The following PTPRD variants were observed in gnomAD, a reference collection of about 807,000 sequenced individuals.
PTPRD encodes the protein protein tyrosine phosphatase receptor type D.
Under a neutral mutation model 214.5 loss-of-function variants are expected in PTPRD, and 34 were observed. The observed-to-expected ratio is 0.16, with a 90% CI of 0.12 to 0.21. The LOEUF is 0.21. PTPRD is among the 10% of genes least tolerant of loss of function. The pLI is 1.00. For synonymous variants in PTPRD, 1,128 were observed against 845.7 expected, an observed-to-expected ratio of 1.33 and a Z score of -5.79; for missense variants, 2,545 against 2,398.7, an observed-to-expected ratio of 1.06 and a Z score of -1.27.
chr9:8,575,284 G>A (rs1464303150), intron 14 of PTPRD, among the ~76,000 whole-genome samples: 1 of 152,052 alleles, frequency 6.6e-6, no homozygotes, highest in East Asian at 1.9e-4. Flanking sequence ...TTCAAGCAGG[G>A]TCTGAGTGAA....
intron 2 of PTPRD, among the ~76,000 whole-genome samples, chr9:10,349,922 A>G (rs1455943126): frequency 6.6e-6 from 1 of 152,138 alleles, no homozygotes; most frequent in Non-Finnish European, 1.5e-5. Flanking sequence ...TCGTCCCCCA[A>G]AGTGCTGGGA....
chr9:9,479,223 C>CCG (rs766455116), intron 8 of PTPRD, among the ~76,000 whole-genome samples: 1 of 15,994 alleles, frequency 6.3e-5, no homozygotes, highest in African/African-American at 2.1e-4. Context: ...ACGCCCCCCC[C>CCG]CCCCCCACAC....
rs148862336 is a variant in PTPRD at position 10,014,068 on chromosome 9, C to G, written c.-472+19650G>C. 4.2e-3 allele frequency among the ~76,000 whole-genome samples: 646 copies of G among 152,124 alleles called. 4 individuals carry two copies. The highest frequency in any genetic ancestry group is 7.1e-3 in the Non-Finnish European group (480 of 67,878). The stretch of plus-strand genomic sequence containing the variant: ...TAAATCTTCACATGTCAGCCCCTAT[C>G]ATCCATTTTCAGTTGCCAACTAGAA... On this transcript the variant is annotated intron_variant, in intron 4 of 45. Transcript: ENST00000381196.
chr9:9,397,992 C>A (rs1587139045), intron 8 of PTPRD, among the ~76,000 whole-genome samples: 1 of 151,880 alleles, frequency 6.6e-6, no homozygotes, highest in East Asian at 1.9e-4. Context: ...GTTTATGATT[C>A]TTTTCCATAA....
At chr9:9,632,409 G>C (rs923441258) in intron 7 of PTPRD, among the ~76,000 whole-genome samples, 1 of 152,122 alleles carries the variant, frequency 6.6e-6, no homozygotes, top group East Asian at 1.9e-4. Flanking sequence ...GAGTTGGGGA[G>C]GAGAGAATGG....
At chr9:10,330,439 C>T (rs529846019) in intron 3 of PTPRD, among the ~76,000 whole-genome samples, 22 of 151,884 alleles carry the variant, frequency 1.4e-4, no homozygotes, top group Middle Eastern at 3.4e-3. Flanking sequence ...TAGGAATCTT[C>T]TATGTTTATT....
In PTPRD at chr9:8,416,166, T is replaced by C. The variant is rs566414644; in HGVS notation, c.4087-11506A>G. On this transcript the variant is annotated intron_variant, in intron 35 of 45. Transcript: ENST00000381196. ...AGCCTTAATATAATAGTAGATTATA[T>C]GAAAAAGTGTGAAGCTATTAAAATT... is the stretch of plus-strand genomic sequence containing the variant. Among the ~76,000 whole-genome samples the C allele has an allele frequency of 1.4e-4, 22 of 152,230 alleles. No homozygotes were observed. The South Asian group carries it at 2.5e-3, about 17-fold the overall frequency.
At chr9:10,353,019 G>A (rs1441974508) in intron 2 of PTPRD, among the ~76,000 whole-genome samples, 1 of 151,888 alleles carries the variant, frequency 6.6e-6, no homozygotes, top group Admixed American at 6.6e-5. Context: ...ATGTATGTGA[G>A]GCAAGGTATA....
chr9:8,734,761 G>A (rs1405133357), intron 11 of PTPRD, among the ~76,000 whole-genome samples: 1 of 152,196 alleles, frequency 6.6e-6, no homozygotes, highest in Non-Finnish European at 1.5e-5. Flanking sequence ...GGAAAATAAA[G>A]CAGGTACACC....
chr9:9,442,907 C>A (rs1038097150), intron 8 of PTPRD, among the ~76,000 whole-genome samples: 3 of 152,080 alleles, frequency 2.0e-5, no homozygotes, highest in Non-Finnish European at 4.4e-5. Context: ...TGCATCTGTA[C>A]ATTTTTATCC....
chr9:8,667,534 T>C (rs915586442), intron 12 of PTPRD, among the ~76,000 whole-genome samples: 13 of 152,146 alleles, frequency 8.5e-5, no homozygotes, highest in Non-Finnish European at 2.9e-5. Flanking sequence ...CACATCTAAG[T>C]ACTTAACAGA....
chr9:8,636,909 C>T lies in PTPRD; in HGVS notation c.65-65G>A, dbSNP rs559829796. 526 of 1,519,610 alleles carry T rather than the reference C, an allele frequency of 3.5e-4. 4 individuals are homozygous for T. In the African/African-American group the frequency reaches 5.7e-3, roughly 17 times the overall value. 94.1% of individuals were successfully genotyped at this position (1,519,610 alleles called of 1,614,324 possible). ...GAAATACAGACTATTATCCTACTAC[C>T]GCTGCTCTCCCCACCATCCTCAACC... On this transcript the variant is annotated intron_variant, in intron 12 of 45. Coordinates refer to ENST00000381196, the MANE Select transcript of PTPRD (RefSeq NM_002839.4).
intron 7 of PTPRD, among the ~76,000 whole-genome samples, chr9:9,724,017 A>C (rs2098025259): frequency 6.6e-6 from 1 of 151,990 alleles, no homozygotes; most frequent in Non-Finnish European, 1.5e-5. Flanking sequence ...CCTGGCTAGA[A>C]CCTCCAGTAC....
At chr9:8,982,553 A>AG (rs1306944334) in intron 11 of PTPRD, among the ~76,000 whole-genome samples, 12 of 151,828 alleles carry the variant, frequency 7.9e-5, no homozygotes, top group African/African-American at 2.9e-4. Context: ...AAAAAAAAAA[A>AG]AGAGAATGAA....
At chr9:9,118,875 C>T (rs190085106) in intron 10 of PTPRD, among the ~76,000 whole-genome samples, 1 of 152,236 alleles carries the variant, frequency 6.6e-6, no homozygotes, top group African/African-American at 2.4e-5. Flanking sequence ...ACCCAACACT[C>T]CCATTATTTC....
At chr9:8,553,601 A>G (rs2082768875) in intron 14 of PTPRD, among the ~76,000 whole-genome samples, 1 of 152,192 alleles carries the variant, frequency 6.6e-6, no homozygotes, top group African/African-American at 2.4e-5. Context: ...AGAGAGGGGA[A>G]CTGGAGTATA....
intron 9 of PTPRD, among the ~76,000 whole-genome samples, chr9:9,323,273 T>G (rs1031687175): frequency 5.9e-5 from 9 of 151,974 alleles, no homozygotes; most frequent in African/African-American, 2.2e-4. Context: ...CTTCATATGA[T>G]TTGTTAAATC....
chr9:10,588,069 T>TA (rs2074380891), intron 2 of PTPRD, among the ~76,000 whole-genome samples: 1 of 152,062 alleles, frequency 6.6e-6, no homozygotes, highest in African/African-American at 2.4e-5. Flanking sequence ...AAGTGTTACA[T>TA]AAAAAGTGTT....
intron 12 of PTPRD, among the ~76,000 whole-genome samples, chr9:8,708,269 G>A (rs934534370): frequency 1.3e-5 from 2 of 152,116 alleles, no homozygotes; most frequent in African/African-American, 4.8e-5. Context: ...ATAACAAAAG[G>A]TAGGTGTTGG....
Sources: gnomAD v4.1 joint callset for allele counts (sites outside exome capture counted in the v4.1 genomes callset) on GRCh38, gnomAD v4.1.1 for gene constraint, MANE v1.5 for transcripts, NCBI Gene and HGNC (gene_info 2026-07-23, HGNC 2026-07-21) for gene names.